The following DEPTOR variants were observed in gnomAD, a reference collection of about 807,000 sequenced individuals.
DEPTOR encodes DEP domain containing MTOR interacting protein.
A neutral mutation model predicts 41.6 loss-of-function variants in DEPTOR; 41 were observed. That is an observed-to-expected ratio of 0.98 (90% CI 0.77 to 1.28). DEPTOR has a LOEUF of 1.28. DEPTOR is among the 50% of genes most tolerant of loss of function. The pLI, the probability that DEPTOR is intolerant of heterozygous loss-of-function variation, is 0.00. For synonymous variants in DEPTOR, 195 were observed against 192.3 expected (o/e 1.01, Z -0.12); for missense variants, 514 against 527.9 (o/e 0.97, Z 0.26).
intron 1 of DEPTOR, among the ~76,000 whole-genome samples, chr8:119,879,223 C>T (rs183486172): frequency 6.6e-6 from 1 of 152,270 alleles, no homozygotes; most frequent in East Asian, 1.9e-4. Flanking sequence ...AATTAGAACC[C>T]CTACACACTA....
At chr8:119,888,750 G>A (rs1827406923) in intron 1 of DEPTOR, among the ~76,000 whole-genome samples, 1 of 151,184 alleles carries the variant, frequency 6.6e-6, no homozygotes, top group African/African-American at 2.4e-5. Context: ...CAGCTACTCA[G>A]GAGGCTGAGG....
chr8:119,940,751 GA>G (rs983447691), intron 3 of DEPTOR, among the ~76,000 whole-genome samples: 1 of 151,998 alleles, frequency 6.6e-6, no homozygotes, highest in Admixed American at 6.6e-5. Context: ...ATTAAAAAAA[GA>G]ATAATAATTT....
intron 4 of DEPTOR, among the ~76,000 whole-genome samples, chr8:119,985,681 T>C (rs1055252447): frequency 1.3e-5 from 2 of 152,142 alleles, no homozygotes; most frequent in African/African-American, 4.8e-5. Flanking sequence ...TCAGTTCTCC[T>C]GTATTGTGTG....
intron 3 of DEPTOR, among the ~76,000 whole-genome samples, chr8:119,934,282 C>G (rs976915149): frequency 1.3e-5 from 2 of 152,200 alleles, no homozygotes; most frequent in African/African-American, 2.4e-5. Flanking sequence ...TCTGCTGGCT[C>G]TTAGTATGTA....
intron 8 of DEPTOR, among the ~76,000 whole-genome samples, chr8:120,026,541 C>T (rs1401620569): frequency 1.3e-5 from 2 of 151,982 alleles, no homozygotes; most frequent in East Asian, 3.9e-4. Flanking sequence ...CAGGGTTTCA[C>T]CATGTTGGAC....
chr8:119,910,505 T>C (rs1247063228), intron 1 of DEPTOR, among the ~76,000 whole-genome samples: 2 of 152,032 alleles, frequency 1.3e-5, no homozygotes, highest in Non-Finnish European at 2.9e-5. Flanking sequence ...CAGGCTGGAG[T>C]GCAATGGCAC....
chr8:120,032,672 G>C (rs1215746808), intron 8 of DEPTOR, among the ~76,000 whole-genome samples: 1 of 152,168 alleles, frequency 6.6e-6, no homozygotes, highest in African/African-American at 2.4e-5. Context: ...TGGAGCAATG[G>C]AGGGCAAAGC....
intron 8 of DEPTOR, among the ~76,000 whole-genome samples, chr8:120,021,556 C>T (rs767989358): frequency 1.4e-4 from 22 of 152,130 alleles, no homozygotes; most frequent in Admixed American, 1.1e-3. Flanking sequence ...TGCTTAAATA[C>T]GCTTATATTT....
intron 4 of DEPTOR, among the ~76,000 whole-genome samples, chr8:119,994,040 C>T (rs1202625558): frequency 2.0e-5 from 3 of 151,824 alleles, no homozygotes; most frequent in African/African-American, 7.3e-5. Flanking sequence ...CCTGTAATCC[C>T]AGCTACTCGG....
At chr8:119,958,158 G>A (rs149495869) in intron 3 of DEPTOR, among the ~76,000 whole-genome samples, 19 of 152,296 alleles carry the variant, frequency 1.2e-4, no homozygotes, top group Admixed American at 5.9e-4. Flanking sequence ...CATGGTTTGC[G>A]TGGTGGTTAC....
At chr8:119,900,380 C>CTTTTTTTATTTTTTTT (rs1827574213) in intron 1 of DEPTOR, among the ~76,000 whole-genome samples, 1 of 43,908 alleles carries the variant, frequency 2.3e-5, no homozygotes, top group Non-Finnish European at 3.5e-5. Flanking sequence ...CACCCCTCAC[C>CTTTTTTTATTTTTTTT]TTTTTTTTTT....
intron 1 of DEPTOR, among the ~76,000 whole-genome samples, chr8:119,919,877 T>G (rs906885299): frequency 6.6e-6 from 1 of 152,220 alleles, no homozygotes; most frequent in African/African-American, 2.4e-5. Context: ...TGCAAGCTAT[T>G]TTTGAAAAAC....
intron 3 of DEPTOR, among the ~76,000 whole-genome samples, chr8:119,952,514 T>C (rs1196111916): frequency 2.6e-5 from 4 of 152,298 alleles, no homozygotes; most frequent in African/African-American, 4.8e-5. Context: ...GTTTGTTACA[T>C]AGGTAATAGT....
chr8:119,920,832 G>C (rs76220424), intron 1 of DEPTOR, among the ~76,000 whole-genome samples: 2,674 of 152,184 alleles, frequency 0.018, 87 homozygotes, highest in African/African-American at 0.062. Flanking sequence ...AAACTCTAAG[G>C]ATCTGAGGAA....
At chr8:119,911,029 T>G (rs1172570641) in intron 1 of DEPTOR, among the ~76,000 whole-genome samples, 1 of 152,138 alleles carries the variant, frequency 6.6e-6, no homozygotes, top group East Asian at 1.9e-4. Context: ...GGGTGCTGTT[T>G]TATCTTTTCA....
chr8:119,995,272 A>T (rs1812241375), intron 4 of DEPTOR, among the ~76,000 whole-genome samples: 1 of 152,194 alleles, frequency 6.6e-6, no homozygotes, highest in South Asian at 2.1e-4. Flanking sequence ...TAAAACTTGT[A>T]CTTTTCATTG....
At chr8:119,933,177 GTGGC>G (rs1248095395) in intron 3 of DEPTOR, among the ~76,000 whole-genome samples, 1 of 152,008 alleles carries the variant, frequency 6.6e-6, no homozygotes, top group African/African-American at 2.4e-5. Flanking sequence ...ACTGACTCCT[GTGGC>G]TTCCAGTTAA....
intron 1 of DEPTOR, among the ~76,000 whole-genome samples, chr8:119,887,595 G>A (rs1298642135): frequency 6.8e-6 from 1 of 146,198 alleles, no homozygotes; most frequent in Non-Finnish European, 1.5e-5. Flanking sequence ...TGCCTCCAGG[G>A]TTCAAGTGAT....
chr8:119,904,940 C>G (rs532117189), intron 1 of DEPTOR, among the ~76,000 whole-genome samples: 4 of 149,944 alleles, frequency 2.7e-5, no homozygotes, highest in African/African-American at 9.8e-5. Flanking sequence ...TACAGGCACA[C>G]GCTACCATGC....
Sources: allele counts gnomAD v4.1 joint callset (sites outside exome capture counted in the v4.1 genomes callset), GRCh38; gene constraint gnomAD v4.1.1; transcripts MANE v1.5; gene names NCBI Gene and HGNC (gene_info 2026-07-23, HGNC 2026-07-21).